Variants in TRAPPC10 observed in about 807,000 individuals in gnomAD.
TRAPPC10 encodes the protein trafficking protein particle complex subunit 10.
Under a neutral mutation model 125.5 loss-of-function variants are expected in TRAPPC10, and 23 were observed. The observed-to-expected ratio is 0.18, with a 90% CI of 0.13 to 0.26. TRAPPC10 has a LOEUF of 0.26. TRAPPC10 is among the 10% of genes least tolerant of loss of function. The pLI, the probability that TRAPPC10 is intolerant of heterozygous loss-of-function variation, is 1.00. For missense variants in TRAPPC10, 1,123 were observed against 1,308.4 expected (o/e 0.86, Z 2.19); for synonymous variants, 509 against 518.0 (o/e 0.98, Z 0.24).
intron 1 of TRAPPC10, among the ~76,000 whole-genome samples, chr21:44,015,800 GAC>G (rs898109643): frequency 1.6e-4 from 25 of 151,996 alleles, no homozygotes; most frequent in Non-Finnish European, 3.1e-4. Flanking sequence ...TTTTAATAGA[GAC>G]ACAGTTTCAC....
chr21:44,044,896 C>T (rs2034671917), intron 3 of TRAPPC10, among the ~76,000 whole-genome samples: 2 of 152,044 alleles, frequency 1.3e-5, no homozygotes, highest in South Asian at 4.1e-4. Flanking sequence ...GAACTCCTGA[C>T]CGCAGGTGAT....
Position 44,037,938 on chromosome 21 carries a change from G to A in TRAPPC10, c.285+11G>A, listed in dbSNP as rs766083048. 1.2e-6 allele frequency: 2 copies of A among 1,612,222 alleles called. No homozygotes were observed. ...TGGACAGAGTGCTGTGTGAGTACCA[G>A]CAGGGGAAGAGGATGCGCGGTGGGA... On this transcript the variant is annotated intron_variant, in intron 3 of 22. Coordinates refer to ENST00000291574, the MANE Select transcript of TRAPPC10 (RefSeq NM_003274.5).
intron 18 of TRAPPC10, among the ~76,000 whole-genome samples, chr21:44,090,675 G>C (rs1246662155): frequency 6.6e-6 from 1 of 152,164 alleles, no homozygotes; most frequent in Non-Finnish European, 1.5e-5. Context: ...CTACCTTAGT[G>C]ACGGTGCTAG....
At chr21:44,080,679 G>A (rs1267603215) in intron 13 of TRAPPC10, among the ~76,000 whole-genome samples, 10 of 151,502 alleles carry the variant, frequency 6.6e-5, no homozygotes, top group African/African-American at 2.2e-4. Flanking sequence ...CTGGGGTTAC[G>A]TGCGCCCGCC....
At chr21:44,033,354 G>A (rs2033736895) in intron 2 of TRAPPC10, among the ~76,000 whole-genome samples, 3 of 152,126 alleles carry the variant, frequency 2.0e-5, no homozygotes, top group African/African-American at 7.2e-5. Context: ...TGATTATAGT[G>A]TCTTACAAGA....
Position 44,089,940 on chromosome 21 carries a change from G to A in TRAPPC10, c.2870+7G>A. Reference sequence around the variant, plus strand: ...TCCTGTCCTCAGGAACACGGTAACGGAGGCGTAGCGTGCGGGCCCTGGCTT... The same window carrying A: ...TCCTGTCCTCAGGAACACGGTAACGAAGGCGTAGCGTGCGGGCCCTGGCTT... On this transcript the variant is annotated splice_region_variant and intron_variant, in intron 18 of 22. Transcript: ENST00000291574. 2 of 1,608,946 alleles carry A rather than the reference G, an allele frequency of 1.2e-6. No individual in the cohort carries two copies. Among genetic ancestry groups the A allele is most frequent in the Admixed American group, 1.7e-5 (1 of 59,864 alleles).
In TRAPPC10 at chr21:44,094,126, C is replaced by T. The variant is rs747222442; in HGVS notation, c.3061C>T (p.Pro1021Ser). 3.2e-5 allele frequency: 52 copies of T among 1,614,082 alleles called. 1 individual carries two copies. In the South Asian group the frequency reaches 5.6e-4, roughly 17 times the overall value. The change falls in exon 20 of 23, where the codon CCT (proline) becomes TCT (serine). Residue 1021 changes from proline (P) to serine (S), a missense_variant. By Grantham distance (74) the Pro-to-Ser change is moderately conservative. Transcript: ENST00000291574. ...WELKWTEEPP[P>S]SLHCRFSVGF... Reference sequence around the variant, plus strand: ...ACTCAAGTGGACAGAAGAGCCTCCCCCTTCTCTGCATTGCCGGTTCTCTGT... The same window carrying T: ...ACTCAAGTGGACAGAAGAGCCTCCCTCTTCTCTGCATTGCCGGTTCTCTGT...
At chr21:44,066,711 G>A (rs2036478578) in intron 7 of TRAPPC10, among the ~76,000 whole-genome samples, 1 of 151,956 alleles carries the variant, frequency 6.6e-6, no homozygotes, top group South Asian at 2.1e-4. Flanking sequence ...GCTCCTATTT[G>A]GACATTTGAA....
chr21:44,045,624 T>C (rs995215999), intron 3 of TRAPPC10, among the ~76,000 whole-genome samples: 3 of 152,028 alleles, frequency 2.0e-5, no homozygotes, highest in African/African-American at 7.2e-5. Context: ...CAATCTCGGC[T>C]CACTGCAACC....
intron 1 of TRAPPC10, 81 bp downstream of exon 1, chr21:44,012,641 C>A (rs1168002359): frequency 2.6e-5 from 33 of 1,268,582 alleles, no homozygotes; most frequent in Non-Finnish European, 3.6e-5. Flanking sequence ...CGCCCCCAGA[C>A]CTTCAGCCCC....
chr21:44,065,332 G>A (rs776430150), intron 7 of TRAPPC10, among the ~76,000 whole-genome samples: 1 of 152,154 alleles, frequency 6.6e-6, no homozygotes, highest in Non-Finnish European at 1.5e-5. Flanking sequence ...CTGCAGGGCC[G>A]GGAAGTCACA....
At chr21:44,033,260 C>T (rs2033730459) in intron 2 of TRAPPC10, among the ~76,000 whole-genome samples, 1 of 152,136 alleles carries the variant, frequency 6.6e-6, no homozygotes, top group African/African-American at 2.4e-5. Flanking sequence ...TTTCTGACCA[C>T]CAGTTTGTGC....
intron 5 of TRAPPC10, among the ~76,000 whole-genome samples, chr21:44,056,763 G>A (rs1434738509): frequency 6.6e-6 from 1 of 152,114 alleles, no homozygotes; most frequent in Non-Finnish European, 1.5e-5. Flanking sequence ...TGGTTTGGGG[G>A]TCGAGGGTGG....
chr21:44,036,590 A>C lies in TRAPPC10; in HGVS notation c.150-1202A>C, dbSNP rs565220631. Among the ~76,000 whole-genome samples, 52 of 152,328 alleles carry C rather than the reference A, an allele frequency of 3.4e-4. 1 individual carries two copies. In the South Asian group the frequency reaches 1.0e-2, roughly 29 times the overall value. On this transcript the variant is annotated intron_variant, in intron 2 of 22. Coordinates refer to ENST00000291574, the MANE Select transcript of TRAPPC10 (RefSeq NM_003274.5). The stretch of plus-strand genomic sequence containing the variant: ...CTTGTCATGATACGGAGATAGGTGC[A>C]CTGAAGTGAATACAAATATTTTCAG...
chr21:44,092,103 C>T (rs201015913), intron 19 of TRAPPC10, 54 bp downstream of exon 19: 712 of 1,599,942 alleles, frequency 4.5e-4, no homozygotes, highest in Non-Finnish European at 5.7e-4. Flanking sequence ...CCAGAGTGTA[C>T]GGAAATGATG....
intron 1 of TRAPPC10, among the ~76,000 whole-genome samples, chr21:44,031,880 G>A (rs1170778357): frequency 6.6e-6 from 1 of 152,166 alleles, no homozygotes; most frequent in Non-Finnish European, 1.5e-5. Context: ...CCACCCCATG[G>A]AGGTGTCACG....
At chr21:44,067,125 C>G (rs532072233) in intron 7 of TRAPPC10, among the ~76,000 whole-genome samples, 1 of 152,210 alleles carries the variant, frequency 6.6e-6, no homozygotes, top group African/African-American at 2.4e-5. Flanking sequence ...CAGGACTCCT[C>G]CAGACCCCAG....
intron 1 of TRAPPC10, among the ~76,000 whole-genome samples, chr21:44,014,524 G>A (rs1303368404): frequency 2.0e-5 from 3 of 151,668 alleles, no homozygotes; most frequent in East Asian, 1.9e-4. Flanking sequence ...TCCTTCCTCG[G>A]CCTCCCGAGT....
intron 18 of TRAPPC10, 21 bp from the exon 19 acceptor site, chr21:44,091,902 C>A (rs2038606084): frequency 1.2e-6 from 2 of 1,610,370 alleles, no homozygotes; most frequent in Non-Finnish European, 8.5e-7. Flanking sequence ...CAAAATAATA[C>A]TTTTTGTTTT....
Sources: allele counts gnomAD v4.1 joint callset (sites outside exome capture counted in the v4.1 genomes callset), GRCh38; gene constraint gnomAD v4.1.1; transcripts MANE v1.5; gene names NCBI Gene and HGNC (gene_info 2026-07-23, HGNC 2026-07-21).